SPMIP2: variants seen among roughly 807,000 people sequenced by gnomAD.
SPMIP2 encodes the protein protein SPMIP2.
chr4:159,072,451 C>CTTTTTTTTTTTTTTTTTTTT, the SPMIP2 span, among the ~76,000 whole-genome samples: 1 of 69,134 alleles, frequency 1.4e-5, no homozygotes, highest in Non-Finnish European at 2.6e-5. Flanking sequence ...CTTATGAATT[C>CTTTTTTTTTTTTTTTTTTTT]TTTTTTTTTT....
At chr4:159,023,187 A>G in the SPMIP2 span, among the ~76,000 whole-genome samples, 1 of 152,178 alleles carries the variant, frequency 6.6e-6, no homozygotes, top group Non-Finnish European at 1.5e-5. Context: ...TGTTTCCAGA[A>G]GATATTAACA....
chr4:158,933,637 C>T, the SPMIP2 span, among the ~76,000 whole-genome samples: 1 of 152,206 alleles, frequency 6.6e-6, no homozygotes, highest in Non-Finnish European at 1.5e-5. Flanking sequence ...TGATTGTTGA[C>T]ATTGCCTTCT....
chr4:159,015,587 A>G, the SPMIP2 span, among the ~76,000 whole-genome samples: 1 of 152,238 alleles, frequency 6.6e-6, no homozygotes, highest in African/African-American at 2.4e-5. Context: ...TTCAAGATTT[A>G]CTAGATCAAG....
At chr4:158,955,282 T>G in the SPMIP2 span, among the ~76,000 whole-genome samples, 191 of 152,258 alleles carry the variant, frequency 1.3e-3, no homozygotes, top group African/African-American at 4.2e-3. Context: ...AACCTAAGAG[T>G]AAGGACTCTG....
chr4:159,067,421 G>A, the SPMIP2 span, among the ~76,000 whole-genome samples: 1 of 151,974 alleles, frequency 6.6e-6, no homozygotes, highest in African/African-American at 2.4e-5. Context: ...AGTAGAGGTG[G>A]GGGTTTGACA....
At chr4:158,935,587 T>C in the SPMIP2 span, among the ~76,000 whole-genome samples, 116,388 of 152,182 alleles carry the variant, frequency 0.76, 44,921 homozygotes, top group East Asian at 0.94. Context: ...CTGTCTCTGG[T>C]GACGGAAATT....
At chr4:158,992,016 C>T in the SPMIP2 span, among the ~76,000 whole-genome samples, 30 of 152,134 alleles carry the variant, frequency 2.0e-4, no homozygotes, top group Non-Finnish European at 3.2e-4. Context: ...CTCAGCCTCT[C>T]GAGTAGCTAG....
chr4:158,951,212 C>T, the SPMIP2 span, among the ~76,000 whole-genome samples: 1 of 152,202 alleles, frequency 6.6e-6, no homozygotes, highest in Admixed American at 6.5e-5. Context: ...TGTAGTCACA[C>T]ATCACTTAAC....
chr4:159,047,649 A>G, the SPMIP2 span, among the ~76,000 whole-genome samples: 1 of 152,238 alleles, frequency 6.6e-6, no homozygotes, highest in Non-Finnish European at 1.5e-5. Context: ...GCTCTTAGAT[A>G]ACTGAAAACC....
chr4:158,927,769 C>T, the SPMIP2 span, among the ~76,000 whole-genome samples: 2 of 152,256 alleles, frequency 1.3e-5, no homozygotes, highest in African/African-American at 4.8e-5. Context: ...CCCGGTTAGA[C>T]TGGGCTTGGT....
chr4:159,070,478 C>T, the SPMIP2 span, among the ~76,000 whole-genome samples: 1 of 152,130 alleles, frequency 6.6e-6, no homozygotes, highest in Admixed American at 6.5e-5. Context: ...AAGCTTTGAC[C>T]TACACAAACT....
the SPMIP2 span, among the ~76,000 whole-genome samples, chr4:158,930,363 C>T: frequency 6.6e-6 from 1 of 152,092 alleles, no homozygotes; most frequent in Non-Finnish European, 1.5e-5. Context: ...CAGGTGCACA[C>T]GACTTTGCCT....
At chr4:159,075,235 CAGACA>C in the SPMIP2 span, among the ~76,000 whole-genome samples, 1 of 152,118 alleles carries the variant, frequency 6.6e-6, no homozygotes, top group African/African-American at 2.4e-5. Flanking sequence ...TATTTACCTA[CAGACA>C]GATACACATG....
chr4:158,897,507 T>C, the SPMIP2 span, among the ~76,000 whole-genome samples: 1 of 152,206 alleles, frequency 6.6e-6, no homozygotes, highest in African/African-American at 2.4e-5. Context: ...GCATTTGTTT[T>C]TTCCTGACTT....
chr4:158,981,952 A>C, the SPMIP2 span, among the ~76,000 whole-genome samples: 3 of 152,136 alleles, frequency 2.0e-5, no homozygotes, highest in Non-Finnish European at 4.4e-5. Context: ...AAGAGTCAAG[A>C]CTCATCAGTG....
chr4:159,073,729 T>C, the SPMIP2 span, among the ~76,000 whole-genome samples: 11 of 152,180 alleles, frequency 7.2e-5, no homozygotes, highest in East Asian at 1.2e-3. Context: ...TGGCCGGACA[T>C]GGTGGCTCAT....
At chr4:159,054,225 C>G in the SPMIP2 span, among the ~76,000 whole-genome samples, 2 of 152,150 alleles carry the variant, frequency 1.3e-5, no homozygotes, top group African/African-American at 4.8e-5. Context: ...TCAGGTGAAC[C>G]TCCCGCCTTG....
chr4:159,052,331 A>C, the SPMIP2 span, among the ~76,000 whole-genome samples: 3 of 152,214 alleles, frequency 2.0e-5, no homozygotes, highest in Non-Finnish European at 4.4e-5. Context: ...AATCAGCTAC[A>C]GCAGAGTGTC....
chr4:158,955,912 G>A, the SPMIP2 span, among the ~76,000 whole-genome samples: 1 of 152,312 alleles, frequency 6.6e-6, no homozygotes, highest in African/African-American at 2.4e-5. Flanking sequence ...GTGGACTCTT[G>A]CCTGCATTAT....
Sources: gnomAD v4.1 joint callset for allele counts (sites outside exome capture counted in the v4.1 genomes callset) on GRCh38, gnomAD v4.1.1 for gene constraint, MANE v1.5 for transcripts, NCBI Gene and HGNC (gene_info 2026-07-23, HGNC 2026-07-21) for gene names.